Variants in CSMD2 observed in about 807,000 individuals in gnomAD.
CSMD2 encodes the protein CUB and Sushi multiple domains 2, also known as CUB and sushi domain-containing protein 2.
Under a neutral mutation model 398.5 loss-of-function variants are expected in CSMD2, and 130 were observed. The ratio of observed to expected loss-of-function variants is 0.33; its 90% confidence interval spans 0.28 to 0.38. The LOEUF (loss-of-function observed/expected upper bound fraction) is 0.38, where lower values mean the gene tolerates loss of function less well. CSMD2 is among the 10% of genes least tolerant of loss of function. The probability of loss-of-function intolerance (pLI) is 1.00; values close to 1 mark genes in which losing one functional copy is unlikely to be tolerated. For missense variants in CSMD2, 3,829 were observed against 4,764.9 expected (o/e 0.80, Z 5.78); for synonymous variants, 1,828 against 1,908.5 (o/e 0.96, Z 1.10).
intron 1 of CSMD2, among the ~76,000 whole-genome samples, chr1:34,149,755 C>A (rs1425016066): frequency 2.0e-5 from 3 of 152,204 alleles, no homozygotes; most frequent in Non-Finnish European, 4.4e-5. Context: ...AGCCTGGTGA[C>A]AACCTCTGGG....
intron 2 of CSMD2, among the ~76,000 whole-genome samples, chr1:34,049,647 C>T (rs964005069): frequency 6.6e-6 from 1 of 152,138 alleles, no homozygotes; most frequent in Admixed American, 6.5e-5. Flanking sequence ...AAACATGAAA[C>T]CCTGAAGACA....
At chr1:33,768,864 T>G (rs1405494107) in intron 13 of CSMD2, among the ~76,000 whole-genome samples, 1 of 152,198 alleles carries the variant, frequency 6.6e-6, no homozygotes, top group Non-Finnish European at 1.5e-5. Context: ...GCCTTCACAT[T>G]TCACACATAT....
Position 33,935,898 on chromosome 1 carries a change from C to A in CSMD2, c.574G>T (p.Gly192Cys). 1 of 1,614,040 alleles carries A rather than the reference C, an allele frequency of 6.2e-7. No homozygotes were observed. Among genetic ancestry groups the A allele is most frequent in the Non-Finnish European group, 8.5e-7 (1 of 1,179,920 alleles). ...TTGTCACCGAGGTTGAAGGTTGAAC[C>A]CTGCTGGATGCCATTGGGCAGCCTC... The part of the protein sequence containing the change: ...PGRLPNGIQQ[G>C]STFNLGDKVR... Residue 192 changes from glycine (G) to cysteine (C), a missense_variant, in exon 4 of 71, where the codon GGT becomes TGT. By Grantham distance (159) the Gly-to-Cys change is radical (BLOSUM62 -3). Around this residue, in one of 5 missense-constraint regions of CSMD2, gnomAD observed 2,001 missense variants for 2,567.1 expected, o/e 0.78. Transcript: ENST00000373381.
rs372487310 is a variant in CSMD2 at position 33,934,882 on chromosome 1, C to T, written c.712+878G>A. 4.7e-5 allele frequency among the ~76,000 whole-genome samples: 7 copies of T among 148,354 alleles called. No homozygotes were observed. The East Asian group carries it at 9.8e-4, about 21-fold the overall frequency. On this transcript the variant is annotated intron_variant, in intron 4 of 70. Transcript: ENST00000373381. ...AGCCGGGCATGGTGGCACATGCCTG[C>T]GGTCCCTGCAACTCCAGAGGCTGAG...
At chr1:33,613,547 C>T (rs1641184411) in intron 40 of CSMD2, among the ~76,000 whole-genome samples, 1 of 152,200 alleles carries the variant, frequency 6.6e-6, no homozygotes, top group South Asian at 2.1e-4. Flanking sequence ...CTCTCCTCCC[C>T]TCCAACCGGA....
chr1:33,654,970 T>C (rs979524330), intron 27 of CSMD2, among the ~76,000 whole-genome samples: 8 of 152,380 alleles, frequency 5.3e-5, no homozygotes, highest in African/African-American at 1.9e-4. Flanking sequence ...CTCTTCTAGA[T>C]AGTTCCATGG....
At chr1:34,096,497 T>C (rs1370944071) in intron 1 of CSMD2, among the ~76,000 whole-genome samples, 1 of 148,812 alleles carries the variant, frequency 6.7e-6, no homozygotes, top group African/African-American at 2.5e-5. Context: ...GACATGATTG[T>C]ATATCTAGAA....
At chr1:33,998,490 T>C (rs1646796894) in intron 3 of CSMD2, among the ~76,000 whole-genome samples, 2 of 152,236 alleles carry the variant, frequency 1.3e-5, no homozygotes, top group Admixed American at 1.3e-4. Flanking sequence ...CAGAGGACAG[T>C]CACCTTGTCC....
chr1:33,669,057 A>G (rs1384767446), intron 25 of CSMD2, among the ~76,000 whole-genome samples: 2 of 152,214 alleles, frequency 1.3e-5, no homozygotes, highest in Non-Finnish European at 2.9e-5. Context: ...TATCCTCATA[A>G]AGCCCTGCAG....
At position 33,792,515 on chromosome 1, in the gene CSMD2, G is replaced by C; in HGVS notation, c.1458C>G (p.Leu486=). ...TALNPSKVIK[L]AFEEFDLERG... is the part of the protein sequence containing the mutation. ...TCTCCAAATCAAACTCCTCAAAGGCGAGCTTGATCACCTAGGGAGGGAACA... is the reference window on the plus strand; with the variant it reads ...TCTCCAAATCAAACTCCTCAAAGGCCAGCTTGATCACCTAGGGAGGGAACA... The change falls in exon 11 of 71, where the codon CTC becomes CTG. Residue 486 remains leucine, a synonymous_variant. Transcript: ENST00000373381. 6.2e-7 allele frequency: 1 copy of C among 1,613,374 alleles called. No individual in the cohort carries two copies. The highest frequency in any genetic ancestry group is 1.1e-5 in the South Asian group (1 of 91,068).
intron 44 of CSMD2, chr1:33,599,788 A>G: frequency 5.2e-6 from 1 of 193,556 alleles, no homozygotes; most frequent in South Asian, 1.6e-4. Context: ...TGGGAATGGC[A>G]GTCACAGCTG....
chr1:33,600,160 A>G (rs1237437932), intron 44 of CSMD2: 3 of 715,952 alleles, frequency 4.2e-6, no homozygotes, highest in Non-Finnish European at 5.2e-6. Context: ...GGACCTGTGC[A>G]AGGTTTTACA....
chr1:33,735,123 G>A (rs2149233425), intron 15 of CSMD2, among the ~76,000 whole-genome samples: 1 of 152,330 alleles, frequency 6.6e-6, no homozygotes, highest in South Asian at 2.1e-4. Context: ...GTCTTTCATA[G>A]AGGTGTTGGA....
intron 2 of CSMD2, among the ~76,000 whole-genome samples, chr1:34,063,057 T>C (rs145011868): frequency 0.05 from 7,562 of 152,056 alleles, 210 homozygotes; most frequent in African/African-American, 0.072. Flanking sequence ...TCATGAGACT[T>C]ATTCACTACC....
At chr1:34,072,837 C>T (rs953247555) in intron 2 of CSMD2, among the ~76,000 whole-genome samples, 16 of 152,154 alleles carry the variant, frequency 1.1e-4, no homozygotes, top group African/African-American at 3.9e-4. Flanking sequence ...CTCCCTTTGG[C>T]ATTAGGGATG....
In CSMD2 at chr1:34,050,589, G is replaced by A. The variant is rs552898813; in HGVS notation, c.405-17883C>T. Among the ~76,000 whole-genome samples the A allele has an allele frequency of 6.6e-5, 10 of 152,292 alleles. No homozygotes were observed. The East Asian group carries it at 7.7e-4, about 12-fold the overall frequency. On this transcript the variant is annotated intron_variant, in intron 2 of 70. Coordinates refer to ENST00000373381, the MANE Select transcript of CSMD2 (RefSeq NM_001281956.2). ...CAGCTAGGTGGCAATACCTTGCAGCGCTGGGACAAGGTTCTCCAGAAGGCT... is the reference window on the plus strand; with the variant it reads ...CAGCTAGGTGGCAATACCTTGCAGCACTGGGACAAGGTTCTCCAGAAGGCT...
intron 46 of CSMD2, 52 bp downstream of exon 46, chr1:33,586,452 T>A: frequency 8.3e-7 from 1 of 1,204,002 alleles, no homozygotes; most frequent in Non-Finnish European, 1.2e-6. Flanking sequence ...AACAAGAGCT[T>A]TGTTCAGGAG....
At chr1:34,045,191 T>C (rs1240614094) in intron 2 of CSMD2, among the ~76,000 whole-genome samples, 3 of 152,130 alleles carry the variant, frequency 2.0e-5, no homozygotes, top group Admixed American at 6.6e-5. Context: ...ATATACATCA[T>C]AGACTCCTTT....
At chr1:33,571,761 A>G in intron 50 of CSMD2, 35 bp from the exon 51 acceptor site, 1 of 1,382,340 alleles carries the variant, frequency 7.2e-7, no homozygotes, top group Non-Finnish European at 9.5e-7. Context: ...AGGATTAATT[A>G]CTTGATTAAT....
Sources: gnomAD v4.1 joint callset for allele counts (sites outside exome capture counted in the v4.1 genomes callset) on GRCh38, gnomAD v4.1.1 for gene constraint, gnomAD v4.1.1 regional missense constraint, MANE v1.5 for transcripts, NCBI Gene and HGNC (gene_info 2026-07-23, HGNC 2026-07-21) for gene names.